AFF1: variants seen among roughly 807,000 people sequenced by gnomAD.
The protein encoded by AFF1 is AF4/FMR2 family member 1.
A neutral mutation model predicts 121.7 loss-of-function variants in AFF1; 48 were observed. The ratio of observed to expected loss-of-function variants is 0.39; its 90% CI spans 0.31 to 0.50. The LOEUF is 0.50. AFF1 is among the 20% of genes least tolerant of loss of function. The pLI, the probability that AFF1 is intolerant of heterozygous loss-of-function variation, is 0.76. For missense variants in AFF1, 1,523 were observed against 1,511.7 expected (o/e 1.01, Z -0.12); for synonymous variants, 613 against 563.0 (o/e 1.09, Z -1.26).
chr4:87,135,479 T>C, intron 20 of AFF1, 101 bp from the exon 21 acceptor site: 1 of 1,227,834 alleles, frequency 8.1e-7, no homozygotes, highest in Non-Finnish European at 1.1e-6. Context: ...CAGAATATTG[T>C]GGGGACCTAC....
At chr4:87,005,631 A>C (rs957609218) in intron 2 of AFF1, among the ~76,000 whole-genome samples, 6 of 152,226 alleles carry the variant, frequency 3.9e-5, no homozygotes, top group Admixed American at 3.3e-4. Context: ...ACTCAATTAC[A>C]CAAGTGCTTT....
rs138841791 is a variant in AFF1, at chr4:87,046,187, C to T, written c.60C>T (p.Asn20=). 2.9e-3 allele frequency: 4,757 copies of T among 1,613,578 alleles called. 14 individuals are homozygous for T. Among genetic ancestry groups the T allele is most frequent in the Middle Eastern group, 4.5e-3 (27 of 6,058 alleles). ...ACAGTTTGTACAATGACGACAGAAACCTGCTTCGAATTAGAGAGAAGGAAA... is the reference window on the plus strand; with the variant it reads ...ACAGTTTGTACAATGACGACAGAAATCTGCTTCGAATTAGAGAGAAGGAAA... ...SGNSLYNDDR[N]LLRIREKERR... The change falls in exon 3 of 21, where the codon AAC becomes AAT. Residue 20 remains asparagine, a synonymous_variant. Transcript: ENST00000395146.
chr4:87,089,378 A>C (rs1254383584), intron 5 of AFF1, among the ~76,000 whole-genome samples: 1 of 152,210 alleles, frequency 6.6e-6, no homozygotes, highest in Non-Finnish European at 1.5e-5. Context: ...AACTGAGAAA[A>C]TTGTAAAAAT....
rs141958564 is a variant in AFF1, at chr4:87,110,584, T to C, written c.1533+2269T>C. The stretch of plus-strand genomic sequence containing the variant: ...ATCTCCATGAGTTCAATTGTTTGAA[T>C]TTTTTAGCTCCCACAAATTAGTGTG... On this transcript the variant is annotated intron_variant, in intron 11 of 20. Transcript: ENST00000395146. Among the ~76,000 whole-genome samples the C allele has an allele frequency of 4.6e-5, 7 of 152,204 alleles. No individual in the cohort carries two copies. In the East Asian group the frequency reaches 1.3e-3, roughly 29 times the overall value.
chr4:86,985,792 C>T (rs1270522912), intron 2 of AFF1, among the ~76,000 whole-genome samples: 1 of 151,732 alleles, frequency 6.6e-6, no homozygotes, highest in Non-Finnish European at 1.5e-5. Context: ...AAGAATCAAG[C>T]ATTTATCCTA....
intron 2 of AFF1, among the ~76,000 whole-genome samples, chr4:86,997,604 T>C (rs566599190): frequency 9.9e-5 from 15 of 150,762 alleles, no homozygotes; most frequent in Admixed American, 3.3e-4. Flanking sequence ...CTACTAAAAA[T>C]ACAAAAAATT....
chr4:87,120,764 T>G (rs1280803380), intron 12 of AFF1, among the ~76,000 whole-genome samples: 1 of 152,224 alleles, frequency 6.6e-6, no homozygotes, highest in Non-Finnish European at 1.5e-5. Context: ...TGCTCCCATC[T>G]TCCTTCACAG....
intron 2 of AFF1, among the ~76,000 whole-genome samples, chr4:86,986,799 A>G (rs192096264): frequency 1.3e-5 from 2 of 152,264 alleles, no homozygotes; most frequent in East Asian, 3.9e-4. Context: ...GTAATATTAC[A>G]TTAATATCAA....
chr4:87,126,228 G>C lies in AFF1; in HGVS notation c.2703G>C (p.Gln901His), dbSNP rs1486382034. The change falls in exon 14 of 21, where the codon CAG (glutamine) becomes CAC (histidine). Residue 901 changes from glutamine to histidine, a missense_variant. Physicochemically the swap from Gln to His is conservative, Grantham distance 24 (BLOSUM62 0). Coordinates refer to ENST00000395146, the MANE Select transcript of AFF1 (RefSeq NM_001166693.3). ...RSRREADTCG[Q>H]DPPKSASSTK... ...GGCGGGAAGCAGACACCTGTGGCCA[G>C]GACCCTCCCAAAAGTGCCAGCAGTA... 1 of 1,613,972 alleles carries C rather than the reference G, an allele frequency of 6.2e-7. No individual in the cohort carries two copies. The highest frequency in any genetic ancestry group is 1.3e-5 in the African/African-American group (1 of 74,876).
intron 2 of AFF1, among the ~76,000 whole-genome samples, chr4:87,041,010 G>A (rs1270463598): frequency 6.6e-6 from 1 of 151,034 alleles, no homozygotes; most frequent in Non-Finnish European, 1.5e-5. Flanking sequence ...TGAGTAGCTG[G>A]GATTACAGGT....
At chr4:87,102,147 A>G (rs3775214) in intron 8 of AFF1, among the ~76,000 whole-genome samples, 51,816 of 152,114 alleles carry the variant, frequency 0.34, 9,513 homozygotes, top group South Asian at 0.5. Context: ...CAAATGTAAA[A>G]TGTGATTAAA....
chr4:87,067,325 C>G (rs1721458064), intron 4 of AFF1, among the ~76,000 whole-genome samples: 1 of 152,258 alleles, frequency 6.6e-6, no homozygotes, highest in South Asian at 2.1e-4. Flanking sequence ...AGCACCTACC[C>G]TGCACAGCCA....
At chr4:87,002,438 T>G (rs867971597) in intron 2 of AFF1, among the ~76,000 whole-genome samples, 117 of 145,354 alleles carry the variant, frequency 8.0e-4, no homozygotes, top group Middle Eastern at 7.0e-3. Context: ...TTTTTTTTTT[T>G]TTTTTTTTTT....
chr4:86,966,574 C>T (rs1337165457), intron 2 of AFF1, among the ~76,000 whole-genome samples: 2 of 132,122 alleles, frequency 1.5e-5, no homozygotes, highest in Admixed American at 1.6e-4. Context: ...GATATTTGCT[C>T]CAAGATGGCT....
At chr4:86,995,853 AT>A (rs550918213) in intron 2 of AFF1, among the ~76,000 whole-genome samples, 5,255 of 142,672 alleles carry the variant, frequency 0.037, 270 homozygotes, top group African/African-American at 0.13. Flanking sequence ...CCGCCATCCC[AT>A]CTGGGAAGTG....
chr4:87,108,365 C>A, intron 11 of AFF1, 50 bp downstream of exon 11: 1 of 1,588,286 alleles, frequency 6.3e-7, no homozygotes, highest in Non-Finnish European at 8.5e-7. Flanking sequence ...GCATTCTGTC[C>A]TTTGAAGTTA....
At chr4:86,997,388 T>A (rs1345371240) in intron 2 of AFF1, among the ~76,000 whole-genome samples, 3 of 152,208 alleles carry the variant, frequency 2.0e-5, no homozygotes, top group South Asian at 2.1e-4. Flanking sequence ...AATTCCTTTT[T>A]AAAATAAATT....
intron 8 of AFF1, among the ~76,000 whole-genome samples, chr4:87,101,053 G>T (rs1473272066): frequency 6.6e-6 from 1 of 152,088 alleles, no homozygotes. Context: ...CATAATTCCT[G>T]TGGAAAGTTT....
chr4:86,979,491 T>G (rs1280462938), intron 2 of AFF1, among the ~76,000 whole-genome samples: 2 of 152,172 alleles, frequency 1.3e-5, no homozygotes, highest in African/African-American at 4.8e-5. Flanking sequence ...GAATAAAACC[T>G]ATGTGGGGGT....
Sources: allele counts gnomAD v4.1 joint callset (sites outside exome capture counted in the v4.1 genomes callset), GRCh38; gene constraint gnomAD v4.1.1; transcripts MANE v1.5; gene names NCBI Gene and HGNC (gene_info 2026-07-23, HGNC 2026-07-21).